PITPNC1: variants seen among roughly 807,000 people sequenced by gnomAD.
The protein encoded by PITPNC1 is phosphatidylinositol transfer protein cytoplasmic 1.
Under a neutral mutation model 44.7 loss-of-function variants are expected in PITPNC1, and 18 were observed. The ratio of observed to expected loss-of-function variants is 0.40; its 90% confidence interval spans 0.28 to 0.60. The LOEUF (loss-of-function observed/expected upper bound fraction) is 0.60, where lower values mean the gene tolerates loss of function less well. Among genes scored for constraint, PITPNC1 ranks in the 20% least tolerant of loss-of-function variants. PITPNC1 has a pLI of 0.39. For synonymous variants in PITPNC1, 141 were observed against 149.6 expected (o/e 0.94, Z 0.42); for missense variants, 290 against 418.4 (o/e 0.69, Z 2.68).
At chr17:67,522,339 C>A (rs562621043) in intron 1 of PITPNC1, among the ~76,000 whole-genome samples, 3 of 152,032 alleles carry the variant, frequency 2.0e-5, no homozygotes, top group African/African-American at 7.2e-5. Flanking sequence ...AGGCTTAGGG[C>A]ACGGCAAACA....
chr17:67,648,259 T>G (rs1424001674), intron 6 of PITPNC1, among the ~76,000 whole-genome samples: 2 of 152,222 alleles, frequency 1.3e-5, no homozygotes, highest in East Asian at 3.8e-4. Flanking sequence ...TTTAATAAAC[T>G]TAAGCTATCT....
intron 1 of PITPNC1, among the ~76,000 whole-genome samples, chr17:67,504,208 A>G (rs944654436): frequency 2.0e-5 from 3 of 152,322 alleles, no homozygotes; most frequent in African/African-American, 7.2e-5. Flanking sequence ...AGTCTGTGGC[A>G]TATCCTTCCC....
chr17:67,498,878 G>GTT (rs71139150), intron 1 of PITPNC1, among the ~76,000 whole-genome samples: 5 of 130,446 alleles, frequency 3.8e-5, no homozygotes, highest in Non-Finnish European at 8.2e-5. Flanking sequence ...GTTTGTTTTT[G>GTT]TTTTTTTTTT....
intron 1 of PITPNC1, among the ~76,000 whole-genome samples, chr17:67,403,913 T>C (rs565074092): frequency 6.6e-6 from 1 of 152,236 alleles, no homozygotes; most frequent in South Asian, 2.1e-4. Context: ...TCCCAGCTAC[T>C]TGGGAGGCTG....
rs537320508 is a variant in PITPNC1 at position 67,465,417 on chromosome 17, TA to T, written c.49-67383del. On this transcript the variant is annotated intron_variant, in intron 1 of 8. Transcript: ENST00000581322. ...ATGGTAGCACCGATGTGGAATCCCATAAGCAGCTGCTTGAAAAAGACTTGGT... is the reference window on the plus strand; with the variant it reads ...ATGGTAGCACCGATGTGGAATCCCATAGCAGCTGCTTGAAAAAGACTTGGT... 1.3e-3 allele frequency among the ~76,000 whole-genome samples: 196 copies of T among 152,312 alleles called. No homozygotes were observed. The Middle Eastern group carries it at 0.014, about 11-fold the overall frequency.
chr17:67,581,982 G>C (rs2041240934), intron 5 of PITPNC1, among the ~76,000 whole-genome samples: 1 of 152,100 alleles, frequency 6.6e-6, no homozygotes, highest in Non-Finnish European at 1.5e-5. Flanking sequence ...GCCGTGAGCA[G>C]AGATTGCGCC....
chr17:67,428,525 C>T (rs1377943564), intron 1 of PITPNC1, among the ~76,000 whole-genome samples: 1 of 149,468 alleles, frequency 6.7e-6, no homozygotes, highest in Non-Finnish European at 1.5e-5. Flanking sequence ...AGAGTGAGAC[C>T]CTATCTCAAA....
chr17:67,660,369 C>T (rs1375318106), intron 6 of PITPNC1, among the ~76,000 whole-genome samples: 1 of 152,110 alleles, frequency 6.6e-6, no homozygotes, highest in African/African-American at 2.4e-5. Flanking sequence ...GTTGTCTCTG[C>T]CCTGGACTAT....
At chr17:67,594,010 G>A (rs2041427391) in intron 5 of PITPNC1, among the ~76,000 whole-genome samples, 1 of 152,210 alleles carries the variant, frequency 6.6e-6, no homozygotes, top group African/African-American at 2.4e-5. Flanking sequence ...ACAGAGGATG[G>A]ACAGCAATCT....
At position 67,381,054 on chromosome 17, in the gene PITPNC1, G is replaced by A. The variant is rs2037950785; in HGVS notation, c.48+2852G>A. On this transcript the variant is annotated intron_variant, in intron 1 of 8. Coordinates refer to ENST00000581322, the MANE Select transcript of PITPNC1 (RefSeq NM_012417.4). ...TTTTAAAGTGCTGGGATTGCCGGGT[G>A]CGGTGGCTCACGCCTGTAATCCCAG... Among the ~76,000 whole-genome samples the A allele has an allele frequency of 7.9e-5, 12 of 152,124 alleles. 1 individual carries two copies. In the South Asian group the frequency reaches 2.5e-3, roughly 32 times the overall value.
intron 6 of PITPNC1, among the ~76,000 whole-genome samples, chr17:67,643,989 A>G (rs2042118881): frequency 6.6e-6 from 1 of 152,118 alleles, no homozygotes; most frequent in Admixed American, 6.5e-5. Flanking sequence ...GAGGTGTGAT[A>G]CCAATAGCTC....
rs1268086764 is a variant in PITPNC1 at position 67,531,479 on chromosome 17, TGGGCTCGGTCCCCA to T, written c.49-1317_49-1304del. ...AGCTTGCTTCCATTGTCATGGTTAC[TGGGCTCGGTCCCCA>T]GGGCTGGCTGCAGACCAGAGCCTTT... On this transcript the variant is annotated intron_variant, in intron 1 of 8. Coordinates refer to ENST00000581322, the MANE Select transcript of PITPNC1 (RefSeq NM_012417.4). Among the ~76,000 whole-genome samples, 4 of 152,300 alleles carry T rather than the reference TGGGCTCGGTCCCCA, an allele frequency of 2.6e-5. No individual in the cohort carries two copies. The East Asian group carries it at 7.7e-4, about 29-fold the overall frequency.
intron 1 of PITPNC1, among the ~76,000 whole-genome samples, chr17:67,463,739 C>CA (rs536377225): frequency 5.3e-5 from 8 of 151,376 alleles, no homozygotes; most frequent in South Asian, 4.2e-4. Flanking sequence ...CCTATCTCTA[C>CA]AAAAAAATAC....
chr17:67,384,583 G>A (rs908526953), intron 1 of PITPNC1, among the ~76,000 whole-genome samples: 1 of 152,146 alleles, frequency 6.6e-6, no homozygotes, highest in Non-Finnish European at 1.5e-5. Flanking sequence ...CCGCCACTGC[G>A]CCCAGCTGAT....
At chr17:67,472,556 A>C (rs1002319380) in intron 1 of PITPNC1, among the ~76,000 whole-genome samples, 2 of 150,726 alleles carry the variant, frequency 1.3e-5, no homozygotes, top group African/African-American at 4.9e-5. Context: ...CTGAGGCAGG[A>C]GAATGGTGTG....
intron 1 of PITPNC1, among the ~76,000 whole-genome samples, chr17:67,417,360 C>A (rs535944195): frequency 6.6e-6 from 1 of 151,824 alleles, no homozygotes; most frequent in Non-Finnish European, 1.5e-5. Flanking sequence ...GAACTCCTGG[C>A]CTCAAGCGAT....
chr17:67,606,814 GAA>G (rs939005717), intron 5 of PITPNC1, among the ~76,000 whole-genome samples: 1 of 151,714 alleles, frequency 6.6e-6, no homozygotes, highest in African/African-American at 2.4e-5. Context: ...AAGGGAGAGA[GAA>G]AGAAATAAAA....
chr17:67,417,629 A>G (rs7211168), intron 1 of PITPNC1, among the ~76,000 whole-genome samples: 74,366 of 152,052 alleles, frequency 0.49, 18,791 homozygotes, highest in African/African-American at 0.59. Context: ...TCTGCTGTGC[A>G]TCATATTTAT....
chr17:67,522,846 T>C lies in PITPNC1; in HGVS notation c.49-9956T>C, dbSNP rs78249966. ...CCCAGCTGAGTTTTTATTTTTTTGT[T>C]TTTTGTAGAGACACCATCTCCCTAT... is the stretch of plus-strand genomic sequence containing the variant. On this transcript the variant is annotated intron_variant, in intron 1 of 8. Coordinates refer to ENST00000581322, the MANE Select transcript of PITPNC1 (RefSeq NM_012417.4). 4.3e-3 allele frequency among the ~76,000 whole-genome samples: 656 copies of C among 151,776 alleles called. 2 individuals are homozygous for C. Among genetic ancestry groups the C allele is most frequent in the African/African-American group, 0.015 (638 of 41,344 alleles).
Sources: gnomAD v4.1 joint callset for allele counts (sites outside exome capture counted in the v4.1 genomes callset) on GRCh38, gnomAD v4.1.1 for gene constraint, MANE v1.5 for transcripts, NCBI Gene and HGNC (gene_info 2026-07-23, HGNC 2026-07-21) for gene names.